Variants in TBXAS1 observed in about 807,000 individuals in gnomAD.
The protein encoded by TBXAS1 is thromboxane A synthase 1.
A neutral mutation model predicts 60.7 loss-of-function variants in TBXAS1; 48 were observed. The observed-to-expected ratio is 0.79, with a 90% CI of 0.63 to 1.01. The LOEUF (loss-of-function observed/expected upper bound fraction) is 1.01, where lower values mean the gene tolerates loss of function less well. Ranked by LOEUF, TBXAS1 falls within the 50% of genes least tolerant of loss-of-function variation. The probability of loss-of-function intolerance (pLI) is 0.00; values close to 1 mark genes in which losing one functional copy is unlikely to be tolerated. For missense variants in TBXAS1, 685 were observed against 686.3 expected, an observed-to-expected ratio of 1.00 and a Z score of 0.02; for synonymous variants, 287 against 269.7, an observed-to-expected ratio of 1.06 and a Z score of -0.63.
At chr7:139,948,845 A>G (rs1443911617) in intron 5 of TBXAS1, among the ~76,000 whole-genome samples, 1 of 152,242 alleles carries the variant, frequency 6.6e-6, no homozygotes, top group Non-Finnish European at 1.5e-5. Flanking sequence ...GTAAAAGTAA[A>G]TATTCCGTAA....
intron 4 of TBXAS1, among the ~76,000 whole-genome samples, chr7:139,927,530 T>G (rs1174976174): frequency 6.6e-6 from 1 of 152,202 alleles, no homozygotes; most frequent in Non-Finnish European, 1.5e-5. Context: ...TTGGTTAATC[T>G]TTTCATCTTT....
chr7:139,980,185 C>T (rs1180277499), intron 9 of TBXAS1, among the ~76,000 whole-genome samples: 1 of 152,106 alleles, frequency 6.6e-6, no homozygotes, highest in Non-Finnish European at 1.5e-5. Flanking sequence ...CTGCTCATTG[C>T]GGGCATCTAA....
intron 4 of TBXAS1, chr7:139,797,084 A>G (rs570651932): frequency 6.6e-6 from 1 of 152,376 alleles, no homozygotes; most frequent in East Asian, 1.9e-4. Context: ...ACACGTTTCA[A>G]CATGAAGAAA....
intron 8 of TBXAS1, among the ~76,000 whole-genome samples, chr7:139,958,182 A>G (rs1438919180): frequency 2.0e-5 from 3 of 152,166 alleles, no homozygotes; most frequent in Non-Finnish European, 2.9e-5. Flanking sequence ...CATGAACAGC[A>G]TGCTTATTAG....
At chr7:139,983,621 C>A (rs188388494) in intron 9 of TBXAS1, among the ~76,000 whole-genome samples, 12 of 152,298 alleles carry the variant, frequency 7.9e-5, no homozygotes, top group African/African-American at 2.4e-4. Flanking sequence ...TATATATTTT[C>A]TCACCTACTC....
intron 3 of TBXAS1, among the ~76,000 whole-genome samples, chr7:139,888,829 A>T (rs984830356): frequency 2.6e-5 from 4 of 152,166 alleles, no homozygotes; most frequent in African/African-American, 9.7e-5. Flanking sequence ...GCAGTGGCAG[A>T]TGAGAGAGAA....
At chr7:139,817,790 G>T (rs1272616863) in intron 4 of TBXAS1, among the ~76,000 whole-genome samples, 1 of 152,158 alleles carries the variant, frequency 6.6e-6, no homozygotes, top group Non-Finnish European at 1.5e-5. Flanking sequence ...GTTGAGAAAT[G>T]ATTTTATGGT....
intron 7 of TBXAS1, 152 bp downstream of exon 7, chr7:139,955,759 C>G (rs931987360): frequency 2.6e-6 from 3 of 1,170,076 alleles, no homozygotes; most frequent in East Asian, 5.1e-5. Flanking sequence ...ATGGAGCCAC[C>G]GGGTTCCTCT....
intron 7 of TBXAS1, 124 bp from the exon 8 acceptor site, chr7:139,957,510 G>A: frequency 2.4e-6 from 3 of 1,253,022 alleles, no homozygotes; most frequent in Non-Finnish European, 3.5e-6. Flanking sequence ...AGTGCGGCGG[G>A]GAGGGCAGGA....
At chr7:139,868,826 T>TC (rs1045262630) in intron 1 of TBXAS1, among the ~76,000 whole-genome samples, 1 of 151,922 alleles carries the variant, frequency 6.6e-6, no homozygotes. Flanking sequence ...TTTGTATTTT[T>TC]TTTTTTAGTA....
In TBXAS1 at chr7:139,877,728, CT is replaced by C. The variant is rs902893678; in HGVS notation, c.236+2110del. On this transcript the variant is annotated intron_variant, in intron 3 of 12. Transcript: ENST00000448866. ...ATGAGCCACTGCACCCAGTCTATTG[CT>C]TTTTTTTTTTTTTTTTTTGAGACGG... Among the ~76,000 whole-genome samples the C allele has an allele frequency of 3.4e-3, 335 of 97,692 alleles. 1 individual carries two copies. Among genetic ancestry groups the C allele is most frequent in the Middle Eastern group, 0.021 (2 of 94 alleles). 64.1% of individuals were successfully genotyped at this position (97,692 alleles called of 152,430 possible).
chr7:139,986,739 ACATACATATATATATATGTGTGTGTG>A (rs1309907516), intron 9 of TBXAS1, among the ~76,000 whole-genome samples: 4 of 41,608 alleles, frequency 9.6e-5, no homozygotes, highest in African/African-American at 3.6e-4. Flanking sequence ...ATATATATAT[ACATACATATATATATATGTGTGTGTG>A]TGTGTGTGTG....
chr7:139,859,996 G>A (rs1014681255), intron 1 of TBXAS1, among the ~76,000 whole-genome samples: 3 of 152,010 alleles, frequency 2.0e-5, no homozygotes, highest in Non-Finnish European at 4.4e-5. Flanking sequence ...AAAATTAGCT[G>A]AGCACAATAG....
intron 1 of TBXAS1, among the ~76,000 whole-genome samples, chr7:139,862,400 G>C (rs1023995931): frequency 2.4e-4 from 37 of 152,140 alleles, no homozygotes; most frequent in Non-Finnish European, 5.0e-4. Context: ...GATCAGTAAA[G>C]AAATAATGGG....
In TBXAS1 at chr7:140,009,327, G is replaced by A. The variant is rs141564058; in HGVS notation, c.1226+2145G>A. Among the ~76,000 whole-genome samples, 6 of 152,280 alleles carry A rather than the reference G, an allele frequency of 3.9e-5. No homozygotes were observed. The East Asian group carries it at 1.2e-3, about 29-fold the overall frequency. ...CCTGGCCTTGGCATACTGCGTGATC[G>A]TGAGCCTCATGCTGCTCCGTGCCTC... is the stretch of plus-strand genomic sequence containing the variant. On this transcript the variant is annotated intron_variant, in intron 10 of 12. Coordinates refer to ENST00000448866, the MANE Select transcript of TBXAS1 (RefSeq NM_001061.7).
intron 9 of TBXAS1, among the ~76,000 whole-genome samples, chr7:139,989,178 G>A (rs1319346455): frequency 2.2e-4 from 33 of 152,228 alleles, no homozygotes; most frequent in Admixed American, 2.2e-3. Flanking sequence ...CCATGGGTCT[G>A]GCCAAGACCC....
At chr7:139,846,887 T>A (rs8180801) in intron 1 of TBXAS1, among the ~76,000 whole-genome samples, 148,709 of 152,216 alleles carry the variant, frequency 0.98, 72,658 homozygotes, top group East Asian at 1. Flanking sequence ...AATGATGGGG[T>A]GGGAGGGCAG....
upstream of TBXAS1, among the ~76,000 whole-genome samples, chr7:139,824,413 T>C (rs1376529826): frequency 6.6e-6 from 1 of 152,218 alleles, no homozygotes; most frequent in African/African-American, 2.4e-5. Flanking sequence ...TCGCTTGAGA[T>C]AGCCTCATGC....
At chr7:139,824,999 T>C (rs1200990448), upstream of TBXAS1, among the ~76,000 whole-genome samples, 5 of 151,984 alleles carry the variant, frequency 3.3e-5, no homozygotes, top group East Asian at 9.7e-4. Context: ...CTGGCAAATT[T>C]TTGTATTTTT....
Sources: gnomAD v4.1 joint callset for allele counts (sites outside exome capture counted in the v4.1 genomes callset) on GRCh38, gnomAD v4.1.1 for gene constraint, MANE v1.5 for transcripts, NCBI Gene and HGNC (gene_info 2026-07-23, HGNC 2026-07-21) for gene names.